The following THUMPD2 variants were observed in gnomAD, a reference collection of about 807,000 sequenced individuals.
The protein encoded by THUMPD2 is THUMP domain 2 tRNA and snRNA guanosine methyltransferase.
A neutral mutation model predicts 49.4 loss-of-function variants in THUMPD2; 56 were observed. The observed-to-expected ratio is 1.13, with a 90% CI of 0.91 to 1.41. THUMPD2 has a LOEUF of 1.41. Ranked by LOEUF, THUMPD2 falls within the 40% of genes most tolerant of loss-of-function variation. The probability of loss-of-function intolerance (pLI) is 0.00; values close to 1 mark genes in which losing one functional copy is unlikely to be tolerated. For missense variants in THUMPD2, 709 were observed against 594.5 expected, an observed-to-expected ratio of 1.19 and a Z score of -2.00; for synonymous variants, 237 against 205.2, an observed-to-expected ratio of 1.15 and a Z score of -1.32.
intron 8 of THUMPD2, among the ~76,000 whole-genome samples, chr2:39,754,015 A>T (rs1007886825): frequency 6.6e-6 from 1 of 152,178 alleles, no homozygotes; most frequent in Non-Finnish European, 1.5e-5. Flanking sequence ...AATCTTTTAG[A>T]AAATGCCCCC....
intron 1 of THUMPD2, among the ~76,000 whole-genome samples, chr2:39,778,338 C>T (rs150631339): frequency 2.0e-5 from 3 of 152,344 alleles, no homozygotes; most frequent in East Asian, 1.9e-4. Flanking sequence ...TGACATAATT[C>T]TTCACGACTC....
Position 39,736,712 on chromosome 2 carries a change from C to A in THUMPD2, c.*23G>T, listed in dbSNP as rs539558291. On this transcript the variant is annotated 3_prime_UTR_variant, in exon 10 of 10. Transcript: ENST00000505747. ...TACAGCTAACTTACAAGGGCCTGAACCCGGCTGATGGCAGCAAGCCTGCTA... is the reference window on the plus strand; with the variant it reads ...TACAGCTAACTTACAAGGGCCTGAAACCGGCTGATGGCAGCAAGCCTGCTA... 6.3e-7 allele frequency: 1 copy of A among 1,598,534 alleles called. No homozygotes were observed. Among genetic ancestry groups the A allele is most frequent in the Admixed American group, 1.7e-5 (1 of 58,852 alleles).
chr2:39,736,659 G>C lies in THUMPD2; in HGVS notation c.*76C>G. ...ACTTGGAGCTCTGTGGGTGCTATAT[G>C]AATCCTAGAGACAGCAAACTTCTGC... On this transcript the variant is annotated 3_prime_UTR_variant, in exon 10 of 10. Transcript: ENST00000505747. 2 of 1,368,814 alleles carry C rather than the reference G, an allele frequency of 1.5e-6. No homozygotes were observed. Among genetic ancestry groups the C allele is most frequent in the Non-Finnish European group, 2.0e-6 (2 of 1,016,410 alleles). The allele number at this position is 1,368,814 out of a possible 1,614,324, so 84.8% of individuals were successfully genotyped here. A position where few individuals can be genotyped will look rare whatever the true frequency, so the allele number is the denominator to read the frequency against.
At chr2:39,764,767 T>G (rs1426769110) in intron 5 of THUMPD2, among the ~76,000 whole-genome samples, 1 of 152,206 alleles carries the variant, frequency 6.6e-6, no homozygotes, top group Non-Finnish European at 1.5e-5. Flanking sequence ...TAGCCAACAC[T>G]CATCACTGAG....
rs189102865 is a variant in THUMPD2 at position 39,777,838 on chromosome 2, A to G, written c.126+1276T>C. 2.2e-3 allele frequency among the ~76,000 whole-genome samples: 335 copies of G among 152,264 alleles called. 3 individuals carry two copies. Among genetic ancestry groups the G allele is most frequent in the African/African-American group, 7.4e-3 (308 of 41,546 alleles). ...TTCCCCATTTCATTTGTCTTTAGAG[A>G]AGATGGAGAACAAGCAGAGAGTCTT... On this transcript the variant is annotated intron_variant, in intron 1 of 9. Transcript: ENST00000505747.
At chr2:39,749,479 C>T (rs1003691156) in intron 8 of THUMPD2, among the ~76,000 whole-genome samples, 3 of 152,110 alleles carry the variant, frequency 2.0e-5, no homozygotes, top group African/African-American at 7.2e-5. Context: ...TTTAGAATAG[C>T]CATTTGATCT....
rs901606693 is a variant in THUMPD2 at position 39,779,219 on chromosome 2, C to T, written c.21G>A (p.Glu7=). 2.0e-6 allele frequency: 3 copies of T among 1,501,894 alleles called. No homozygotes were observed. Among genetic ancestry groups the T allele is most frequent in the African/African-American group, 2.9e-5 (2 of 68,836 alleles). The allele number at this position is 1,501,894 out of a possible 1,614,324, so 93.0% of individuals were successfully genotyped here. MSEARG[E]PGSGPEAGAR... ...CGCCAGCCTCAGGCCCGGACCCTGG[C>T]TCTCCACGCGCCTCCGACATGGCGG... Residue 7 remains glutamate (E), a synonymous_variant, in exon 1 of 10, where the codon GAG becomes GAA. Transcript: ENST00000505747.
At chr2:39,763,123 C>T (rs977058842) in intron 5 of THUMPD2, among the ~76,000 whole-genome samples, 7 of 151,950 alleles carry the variant, frequency 4.6e-5, no homozygotes, top group South Asian at 2.1e-4. Context: ...CTAATGTACA[C>T]GGTTCAAAAA....
chr2:39,764,182 G>A (rs1226967595), intron 5 of THUMPD2, among the ~76,000 whole-genome samples: 1 of 152,186 alleles, frequency 6.6e-6, no homozygotes, highest in African/African-American at 2.4e-5. Context: ...ATTTATCACA[G>A]ATCTGTGCTA....
In THUMPD2 at chr2:39,736,223, T is replaced by C. The variant is rs1267999536; in HGVS notation, c.*512A>G. On this transcript the variant is annotated 3_prime_UTR_variant, in exon 10 of 10. Coordinates refer to ENST00000505747, the MANE Select transcript of THUMPD2 (RefSeq NM_025264.5). ...GAAGGATACTGGCTTAATTCAGTTATTATTCTCACTGTTGGTTTACATAAT... is the reference window on the plus strand; with the variant it reads ...GAAGGATACTGGCTTAATTCAGTTACTATTCTCACTGTTGGTTTACATAAT... 1 of 152,500 alleles carries C rather than the reference T, an allele frequency of 6.6e-6. No homozygotes were observed. Among genetic ancestry groups the C allele is most frequent in the Non-Finnish European group, 1.5e-5 (1 of 68,258 alleles). 9.4% of individuals were successfully genotyped at this position (152,500 alleles called of 1,614,324 possible).
rs761959946 is a variant in THUMPD2, at chr2:39,736,894, G to C, written c.1353C>G (p.Phe451Leu). The C allele has an allele frequency of 1.2e-6, 2 of 1,614,168 alleles. No homozygotes were observed. The highest frequency in any genetic ancestry group is 1.1e-5 in the South Asian group (1 of 91,076). The change falls in exon 10 of 10, where the codon TTC (phenylalanine) becomes TTG (leucine). Residue 451 changes from phenylalanine (F) to leucine (L), a missense_variant. Physicochemically the swap from Phe to Leu is conservative, Grantham distance 22. Transcript: ENST00000505747. ...CTTCGAATGAAGTTGACGCTGTCTTGAATGCACCAGTTTTTTCTTCAGGAT... is the reference window on the plus strand; with the variant it reads ...CTTCGAATGAAGTTGACGCTGTCTTCAATGCACCAGTTTTTTCTTCAGGAT... ...CLNPEEKTGA[F>L]KTASTSFEAS...
chr2:39,769,889 T>C lies in THUMPD2; in HGVS notation c.493A>G (p.Lys165Glu). Residue 165 changes from lysine to glutamate, a missense_variant, in exon 3 of 10, where the codon AAA (lysine) becomes GAA (glutamate). Physicochemically the swap from Lys to Glu is moderately conservative, Grantham distance 56 (BLOSUM62 1). Coordinates refer to ENST00000505747, the MANE Select transcript of THUMPD2 (RefSeq NM_025264.5). ...TCCAGAGTTTCTTCTTTTATTTGTT[T>C]TTCCAGCTGGCAGTCCCTATTCTCT... Reference protein sequence around the residue: ...IEENRDCQLEKQIKEETLEQR... With the variant: ...IEENRDCQLEEQIKEETLEQR... 6.3e-7 allele frequency: 1 copy of C among 1,599,892 alleles called. No individual in the cohort carries two copies. The highest frequency in any genetic ancestry group is 8.5e-7 in the Non-Finnish European group (1 of 1,176,454).
chr2:39,739,784 C>T (rs1673661160), intron 9 of THUMPD2, among the ~76,000 whole-genome samples: 1 of 152,158 alleles, frequency 6.6e-6, no homozygotes, highest in Admixed American at 6.5e-5. Context: ...AGGATAAACC[C>T]TTGCAGGAAG....
chr2:39,766,926 T>C (rs1010089211), intron 4 of THUMPD2, among the ~76,000 whole-genome samples: 2 of 152,254 alleles, frequency 1.3e-5, no homozygotes, highest in African/African-American at 4.8e-5. Flanking sequence ...TTACATATTA[T>C]GCATTTTAGC....
At chr2:39,774,798 ATC>A (rs1220578266) in intron 1 of THUMPD2, among the ~76,000 whole-genome samples, 7 of 152,140 alleles carry the variant, frequency 4.6e-5, no homozygotes, top group Admixed American at 1.3e-4. Context: ...TATATATACA[ATC>A]TGTTTTTTTC....
chr2:39,765,966 T>C lies in THUMPD2; in HGVS notation c.803+91A>G, dbSNP rs1305885663. 7 of 1,021,212 alleles carry C rather than the reference T, an allele frequency of 6.9e-6. No individual in the cohort carries two copies. The East Asian group carries it at 1.3e-4, about 19-fold the overall frequency. The allele number at this position is 1,021,212 out of a possible 1,614,324, so 63.3% of individuals were successfully genotyped here. ...TTTGCCTTTAGCCTTCTCTGTTATA[T>C]GAATGCTTCATTCATGCTGTAAATA... On this transcript the variant is annotated intron_variant, in intron 5 of 9. Coordinates refer to ENST00000505747, the MANE Select transcript of THUMPD2 (RefSeq NM_025264.5).
chr2:39,757,475 A>G (rs1572816093), intron 6 of THUMPD2: 2 of 1,192,852 alleles, frequency 1.7e-6, no homozygotes, highest in East Asian at 1.2e-4. Context: ...AGTAAGGAGC[A>G]GAAGGAAAAA....
chr2:39,739,710 G>GAGTAGGCAGAAGATAAAAATGAGA (rs1558483804), intron 9 of THUMPD2, among the ~76,000 whole-genome samples: 1 of 152,196 alleles, frequency 6.6e-6, no homozygotes, highest in Non-Finnish European at 1.5e-5. Flanking sequence ...ACCGGCAGAT[G>GAGTAGGCAGAAGATAAAAATGAGA]AGTAGGCAGA....
intron 8 of THUMPD2, among the ~76,000 whole-genome samples, chr2:39,746,524 T>C (rs1572760639): frequency 6.6e-6 from 1 of 152,298 alleles, no homozygotes; most frequent in East Asian, 1.9e-4. Context: ...AAATACTGCT[T>C]GTGAACAAAA....
Sources: gnomAD v4.1 joint callset for allele counts (sites outside exome capture counted in the v4.1 genomes callset) on GRCh38, gnomAD v4.1.1 for gene constraint, MANE v1.5 for transcripts, NCBI Gene and HGNC (gene_info 2026-07-23, HGNC 2026-07-21) for gene names.